The following DOCK10 variants were observed in gnomAD, a reference collection of about 807,000 sequenced individuals.
DOCK10 encodes dedicator of cytokinesis 10.
Under a neutral mutation model 280.1 loss-of-function variants are expected in DOCK10, and 145 were observed. That is an observed-to-expected ratio of 0.52 (90% CI 0.45 to 0.59). DOCK10 has a LOEUF of 0.59. DOCK10 is among the 20% of genes least tolerant of loss of function. The probability of loss-of-function intolerance (pLI) is 0.00; values close to 1 mark genes in which losing one functional copy is unlikely to be tolerated. For synonymous variants in DOCK10, 915 were observed against 942.2 expected (o/e 0.97, Z 0.53); for missense variants, 2,368 against 2,651.7 (o/e 0.89, Z 2.35).
chr2:224,808,001 C>A lies in DOCK10; in HGVS notation c.3495G>T (p.Leu1165=). 2 of 1,612,810 alleles carry A rather than the reference C, an allele frequency of 1.2e-6. No individual in the cohort carries two copies. The highest frequency in any genetic ancestry group is 1.7e-6 in the Non-Finnish European group (2 of 1,179,350). ...GILLREVGFA[L]QEDQDVRHLA... is the part of the protein sequence containing the mutation. ...AGTGTCTGACATCTTGGTCTTCCTG[C>A]AGGGCAAAGCCAACTTCTCGGAGCA... The change falls in exon 32 of 56, where the codon CTG becomes CTT. Residue 1165 remains leucine, a synonymous_variant. Coordinates refer to ENST00000258390, the MANE Select transcript of DOCK10 (RefSeq NM_014689.3).
intron 1 of DOCK10, among the ~76,000 whole-genome samples, chr2:224,953,734 G>GT (rs1703889100): frequency 6.6e-6 from 1 of 152,154 alleles, no homozygotes; most frequent in Admixed American, 6.6e-5. Flanking sequence ...TAAAATAGTG[G>GT]TTTTTTAAAA....
intron 41 of DOCK10, among the ~76,000 whole-genome samples, chr2:224,799,560 C>T (rs1213181421): frequency 1.3e-5 from 2 of 152,200 alleles, no homozygotes. Context: ...GGTCACAGGA[C>T]AGATGTATGA....
rs180749939 is a variant in DOCK10 at position 224,852,331 on chromosome 2, C to T, written c.2142+46G>A. On this transcript the variant is annotated intron_variant, in intron 18 of 55. Coordinates refer to ENST00000258390, the MANE Select transcript of DOCK10 (RefSeq NM_014689.3). ...TGCAATGGTGGAAAGAATCCCTGCACCTGCCTTCCCACTTTATGCTGGGTC... is the reference window on the plus strand; with the variant it reads ...TGCAATGGTGGAAAGAATCCCTGCATCTGCCTTCCCACTTTATGCTGGGTC... The T allele has an allele frequency of 1.9e-5, 28 of 1,458,346 alleles. No homozygotes were observed. The East Asian group carries it at 5.4e-4, about 28-fold the overall frequency. 90.3% of individuals were successfully genotyped at this position (1,458,346 alleles called of 1,614,324 possible).
At chr2:224,835,996 T>G (rs138512016) in intron 25 of DOCK10, among the ~76,000 whole-genome samples, 194 of 152,306 alleles carry the variant, frequency 1.3e-3, no homozygotes, top group African/African-American at 4.2e-3. Flanking sequence ...CGGTAGAAAG[T>G]CTGAGATTTG....
intron 11 of DOCK10, among the ~76,000 whole-genome samples, chr2:224,866,612 C>A (rs989289399): frequency 1.3e-5 from 2 of 152,144 alleles, no homozygotes; most frequent in Admixed American, 1.3e-4. Context: ...ACCATGATGG[C>A]GACCAATGGT....
chr2:224,886,472 GCATCTT>G lies in DOCK10; in HGVS notation c.470_475del (p.Glu157_Asp158del), dbSNP rs1699290221. 3.7e-6 allele frequency: 6 copies of G among 1,609,992 alleles called. No individual in the cohort carries two copies. The African/African-American group carries it at 8.0e-5, about 22-fold the overall frequency. On this transcript the variant is annotated inframe_deletion, in exon 5 of 56. Transcript: ENST00000258390. ...CTATTTACTTACTTCATCCTTATCA[GCATCTT>G]CATGGTCAATCTCAAAGGAATGTGA...
chr2:225,028,636 C>G (rs1384598501), intron 1 of DOCK10, among the ~76,000 whole-genome samples: 1 of 152,182 alleles, frequency 6.6e-6, no homozygotes, highest in African/African-American at 2.4e-5. Context: ...CACAGCAGCC[C>G]AGACCCAGTC....
chr2:224,989,255 T>C (rs1212973987), intron 1 of DOCK10, among the ~76,000 whole-genome samples: 1 of 152,180 alleles, frequency 6.6e-6, no homozygotes, highest in Admixed American at 6.5e-5. Flanking sequence ...ATCTTCCTTC[T>C]CTACCACAAG....
At position 224,805,994 on chromosome 2, in the gene DOCK10, T is replaced by C; in HGVS notation, c.3814+132A>G. ...AGAAATATGTAAAAAGACTCTTTGGTTGTATAAATGTAGTATACTTTGCCA... is the reference window on the plus strand; with the variant it reads ...AGAAATATGTAAAAAGACTCTTTGGCTGTATAAATGTAGTATACTTTGCCA... On this transcript the variant is annotated intron_variant, in intron 34 of 55. Coordinates refer to ENST00000258390, the MANE Select transcript of DOCK10 (RefSeq NM_014689.3). The surrounding 1 kb of genome is among the most constrained non-coding windows in gnomAD (Gnocchi z 4.3). The C allele has an allele frequency of 1.8e-6, 1 of 570,162 alleles. No individual in the cohort carries two copies. The highest frequency in any genetic ancestry group is 2.6e-5 in the South Asian group (1 of 38,772). The allele number at this position is 570,162 out of a possible 1,614,324, so 35.3% of individuals were successfully genotyped here.
At chr2:224,974,750 C>T (rs1187374560) in intron 1 of DOCK10, among the ~76,000 whole-genome samples, 1 of 112,142 alleles carries the variant, frequency 8.9e-6, no homozygotes, top group Non-Finnish European at 2.2e-5. Flanking sequence ...AGTATGATTT[C>T]CCCCAAAACA....
intron 1 of DOCK10, among the ~76,000 whole-genome samples, chr2:224,986,064 G>A (rs893991697): frequency 1.3e-5 from 2 of 152,174 alleles, no homozygotes; most frequent in South Asian, 2.1e-4. Flanking sequence ...CATGATGGAG[G>A]TGAAGCCCAC....
At chr2:224,803,147 A>C (rs1043483174) in intron 39 of DOCK10, among the ~76,000 whole-genome samples, 2 of 152,162 alleles carry the variant, frequency 1.3e-5, no homozygotes, top group African/African-American at 4.8e-5. Flanking sequence ...ACCCATCCAG[A>C]TGTCTCAGGA....
chr2:224,873,996 A>G lies in DOCK10; in HGVS notation c.1257T>C (p.Asn419=). 1 of 1,609,320 alleles carries G rather than the reference A, an allele frequency of 6.2e-7. No individual in the cohort carries two copies. ...VTENENDPIT[N]IEPFFVSVAL... ...AGGATGTAACAGAGGAGAAACTTACATTCGTTATCGGATCATTTTCATTCT... is the reference window on the plus strand; with the variant it reads ...AGGATGTAACAGAGGAGAAACTTACGTTCGTTATCGGATCATTTTCATTCT... Residue 419 remains asparagine, a splice_region_variant and synonymous_variant, in exon 11 of 56, where the codon AAT becomes AAC. Transcript: ENST00000258390.
At chr2:225,036,858 G>A (rs1270935780) in intron 1 of DOCK10, among the ~76,000 whole-genome samples, 2 of 151,264 alleles carry the variant, frequency 1.3e-5, no homozygotes, top group East Asian at 3.9e-4. Context: ...TTTATTTACT[G>A]GTCCCAATGA....
intron 15 of DOCK10, 56 bp from the exon 16 acceptor site, chr2:224,855,098 C>CACACAG: frequency 3.4e-6 from 4 of 1,191,488 alleles, no homozygotes; most frequent in Non-Finnish European, 4.8e-6. Flanking sequence ...CACACACACA[C>CACACAG]ACAGAGTATT....
At chr2:225,010,084 A>T (rs1200839474) in intron 1 of DOCK10, among the ~76,000 whole-genome samples, 2 of 152,182 alleles carry the variant, frequency 1.3e-5, no homozygotes, top group African/African-American at 2.4e-5. Context: ...AGTCAGCTGC[A>T]GGTCCACTAG....
chr2:224,911,530 G>T lies in DOCK10; in HGVS notation c.333+5165C>A, dbSNP rs138058204. Reference sequence around the variant, plus strand: ...GAAACTTGGTTGGATCTAGAGATTGGGGGTGAAGGTTCTGAATGGTCCCAG... The same window carrying T: ...GAAACTTGGTTGGATCTAGAGATTGTGGGTGAAGGTTCTGAATGGTCCCAG... On this transcript the variant is annotated intron_variant, in intron 3 of 55. Transcript: ENST00000258390. 2.6e-4 allele frequency among the ~76,000 whole-genome samples: 40 copies of T among 152,254 alleles called. No homozygotes were observed. In the East Asian group the frequency reaches 4.2e-3, roughly 16 times the overall value.
chr2:224,941,564 C>A (rs765753142), intron 1 of DOCK10, among the ~76,000 whole-genome samples: 1 of 152,024 alleles, frequency 6.6e-6, no homozygotes, highest in Non-Finnish European at 1.5e-5. Context: ...GTGGCTCAGG[C>A]CGGGTGTGGT....
rs533895969 is a variant in DOCK10 at position 224,931,318 on chromosome 2, G to A, written c.243+231C>T. Among the ~76,000 whole-genome samples, 6 of 152,318 alleles carry A rather than the reference G, an allele frequency of 3.9e-5. No homozygotes were observed. The South Asian group carries it at 1.2e-3, about 32-fold the overall frequency. Reference sequence around the variant, plus strand: ...CGAGTGCCAGCTGGAACCGGGCAGTGTCCTGGGCCTCCTCCCAGTCCCCAG... The same window carrying A: ...CGAGTGCCAGCTGGAACCGGGCAGTATCCTGGGCCTCCTCCCAGTCCCCAG... On this transcript the variant is annotated intron_variant, in intron 2 of 55. Coordinates refer to ENST00000258390, the MANE Select transcript of DOCK10 (RefSeq NM_014689.3).
Sources: allele counts gnomAD v4.1 joint callset (sites outside exome capture counted in the v4.1 genomes callset), GRCh38; gene constraint gnomAD v4.1.1; non-coding constraint Gnocchi (gnomAD v3.1); transcripts MANE v1.5; gene names NCBI Gene and HGNC (gene_info 2026-07-23, HGNC 2026-07-21).